Variants in ETFA observed in about 807,000 individuals in gnomAD.
ETFA encodes the protein electron transfer flavoprotein subunit alpha, also known as electron transfer flavoprotein subunit alpha, mitochondrial.
ETFA carries 22 observed loss-of-function variants against 46.2 expected under a neutral mutation model. The observed-to-expected ratio is 0.48, with a 90% CI of 0.34 to 0.68. The LOEUF (loss-of-function observed/expected upper bound fraction) is 0.68. Ranked by LOEUF, ETFA falls within the 30% of genes least tolerant of loss-of-function variation. ETFA has a pLI of 0.01. For synonymous variants in ETFA, 131 were observed against 139.9 expected (o/e 0.94, Z 0.45); for missense variants, 345 against 401.1 (o/e 0.86, Z 1.19).
At chr15:76,267,311 C>G (rs563435354) in intron 9 of ETFA, among the ~76,000 whole-genome samples, 1 of 152,272 alleles carries the variant, frequency 6.6e-6, no homozygotes, top group Admixed American at 6.5e-5. Context: ...GTAGGACAAG[C>G]GAGGCTGCGC....
intron 9 of ETFA, among the ~76,000 whole-genome samples, chr15:76,263,251 T>C (rs922262728): frequency 4.6e-5 from 7 of 152,220 alleles, no homozygotes; most frequent in African/African-American, 1.7e-4. Flanking sequence ...CTTTCTTTCA[T>C]CTTTTCTCAT....
At chr15:76,260,647 G>A (rs1452176628) in intron 9 of ETFA, 9 of 1,549,000 alleles carry the variant, frequency 5.8e-6, no homozygotes, top group African/African-American at 5.5e-5. Context: ...GGTCCCAGGG[G>A]GCCTTCCAAA....
rs774393602 is a variant in ETFA, at chr15:76,286,336, GAAACA to G, written c.562+30_562+34del. 5 of 1,277,292 alleles carry G rather than the reference GAAACA, an allele frequency of 3.9e-6. No individual in the cohort carries two copies. The South Asian group carries it at 5.0e-5, about 13-fold the overall frequency. 79.1% of individuals were successfully genotyped at this position (1,277,292 alleles called of 1,614,324 possible). Reference sequence around the variant, plus strand: ...TACAGTCTATGAATTAAAAAAGTAAGAAACAAAACAAAAAAACTCCAAATGAACAC... The same window carrying G: ...TACAGTCTATGAATTAAAAAAGTAAGAAACAAAAAAACTCCAAATGAACAC... On this transcript the variant is annotated intron_variant, in intron 6 of 11. Transcript: ENST00000557943.
At chr15:76,269,546 G>C (rs1023502121) in intron 9 of ETFA, among the ~76,000 whole-genome samples, 1 of 152,138 alleles carries the variant, frequency 6.6e-6, no homozygotes, top group Non-Finnish European at 1.5e-5. Flanking sequence ...CCCAGAGCTT[G>C]GGGCCTTTGC....
At chr15:76,275,106 C>G (rs918526592) in intron 8 of ETFA, among the ~76,000 whole-genome samples, 1 of 152,138 alleles carries the variant, frequency 6.6e-6, no homozygotes, top group Admixed American at 6.5e-5. Context: ...TCAGCCAGGA[C>G]TAATCACACC....
rs190023894 is a variant in ETFA, at chr15:76,251,433, A to C, written c.817-20035T>G. On this transcript the variant is annotated intron_variant, in intron 9 of 11. Coordinates refer to ENST00000557943, the MANE Select transcript of ETFA (RefSeq NM_000126.4). ...GAGAGTAAGATAATGATACTAAATA[A>C]GGGGTTTTAAAAGGGGTGACAATTT... 2.3e-3 allele frequency among the ~76,000 whole-genome samples: 352 copies of C among 152,344 alleles called. 1 individual carries two copies. Among genetic ancestry groups the C allele is most frequent in the African/African-American group, 8.2e-3 (342 of 41,584 alleles).
intron 9 of ETFA, among the ~76,000 whole-genome samples, chr15:76,234,015 T>C (rs1400382994): frequency 6.6e-6 from 1 of 152,194 alleles, no homozygotes; most frequent in African/African-American, 2.4e-5. Flanking sequence ...TGAATTCCAT[T>C]GACTTTAACC....
At position 76,263,488 on chromosome 15, in the gene ETFA, A is replaced by G. The variant is rs1567208102; in HGVS notation, c.816+10924T>C. ...CAGGGTAACAATGGGATGAAGTTAA[A>G]GCAAACATTTTGCTTATTTGAATTT... On this transcript the variant is annotated intron_variant, in intron 9 of 11. Transcript: ENST00000557943. 2.6e-5 allele frequency among the ~76,000 whole-genome samples: 4 copies of G among 152,248 alleles called. No homozygotes were observed. In the South Asian group the frequency reaches 8.3e-4, roughly 31 times the overall value.
At chr15:76,277,253 T>G (rs1486470594) in intron 8 of ETFA, among the ~76,000 whole-genome samples, 1 of 152,174 alleles carries the variant, frequency 6.6e-6, no homozygotes. Context: ...CTCAGGTCAG[T>G]TAGGCTCTGA....
At chr15:76,259,193 A>G (rs2039376271) in intron 9 of ETFA, 2 of 1,524,500 alleles carry the variant, frequency 1.3e-6, no homozygotes, top group African/African-American at 2.7e-5. Context: ...GATCCCCGCT[A>G]GGCAGCTCCA....
rs367931345 is a variant in ETFA at position 76,277,542 on chromosome 15, G to A, written c.734-3048C>T. Reference sequence around the variant, plus strand: ...CAAAAAACCAGAGTCTCACTCTGTCGCCCAGGCTGGAGTACAGTGGTACGA... The same window carrying A: ...CAAAAAACCAGAGTCTCACTCTGTCACCCAGGCTGGAGTACAGTGGTACGA... On this transcript the variant is annotated intron_variant, in intron 8 of 11. Coordinates refer to ENST00000557943, the MANE Select transcript of ETFA (RefSeq NM_000126.4). 1.1e-3 allele frequency among the ~76,000 whole-genome samples: 165 copies of A among 151,594 alleles called. 1 individual carries two copies. The highest frequency in any genetic ancestry group is 3.9e-3 in the African/African-American group (161 of 41,330).
At chr15:76,265,621 T>C (rs1404233418) in intron 9 of ETFA, among the ~76,000 whole-genome samples, 1 of 152,176 alleles carries the variant, frequency 6.6e-6, no homozygotes, top group Admixed American at 6.5e-5. Context: ...CAGAAGTTTT[T>C]CAAGTCCCTT....
At chr15:76,253,867 G>A (rs2039325370) in intron 9 of ETFA, among the ~76,000 whole-genome samples, 1 of 152,208 alleles carries the variant, frequency 6.6e-6, no homozygotes. Context: ...GTGAAGTAAT[G>A]CATTCAATTC....
chr15:76,295,213 C>T (rs540658724), intron 2 of ETFA, among the ~76,000 whole-genome samples: 15 of 152,164 alleles, frequency 9.9e-5, no homozygotes, highest in Non-Finnish European at 2.2e-4. Flanking sequence ...TAAAAATTAA[C>T]ATCCATAATA....
intron 9 of ETFA, chr15:76,261,093 A>T: frequency 1.3e-6 from 2 of 1,500,452 alleles, no homozygotes; most frequent in South Asian, 1.1e-5. Flanking sequence ...TAGGCTGTGA[A>T]CTTCACAGGA....
rs753882653 is a variant in ETFA at position 76,231,326 on chromosome 15, C to A, written c.882+7G>T. 23 of 1,570,364 alleles carry A rather than the reference C, an allele frequency of 1.5e-5. No homozygotes were observed. Among genetic ancestry groups the A allele is most frequent in the Non-Finnish European group, 1.9e-5 (22 of 1,140,240 alleles). ...GTTTTCTTTTAACATCACTGATGTA[C>A]AATTACCTTGCTGTCTTTCATCCCA... On this transcript the variant is annotated splice_region_variant and intron_variant, in intron 10 of 11. Coordinates refer to ENST00000557943, the MANE Select transcript of ETFA (RefSeq NM_000126.4).
intron 8 of ETFA, among the ~76,000 whole-genome samples, chr15:76,279,885 GT>G (rs527237229): frequency 4.6e-4 from 64 of 140,278 alleles, no homozygotes; most frequent in Non-Finnish European, 4.8e-4. Flanking sequence ...TTAGTCCTGA[GT>G]TTTTTTTTTT....
intron 10 of ETFA, among the ~76,000 whole-genome samples, chr15:76,228,424 G>C (rs1309329913): frequency 6.6e-6 from 1 of 152,158 alleles, no homozygotes; most frequent in East Asian, 1.9e-4. Flanking sequence ...GGACTCAAGT[G>C]ATCCTCCTGC....
At chr15:76,287,527 A>G (rs1290200138) in intron 5 of ETFA, among the ~76,000 whole-genome samples, 1 of 151,312 alleles carries the variant, frequency 6.6e-6, no homozygotes, top group Non-Finnish European at 1.5e-5. Context: ...TGAGAATACT[A>G]TTTTTTTTTA....
Sources: allele counts gnomAD v4.1 joint callset (sites outside exome capture counted in the v4.1 genomes callset), GRCh38; gene constraint gnomAD v4.1.1; transcripts MANE v1.5; gene names NCBI Gene and HGNC (gene_info 2026-07-23, HGNC 2026-07-21).